NRCAM: variants seen among roughly 807,000 people sequenced by gnomAD.
NRCAM encodes the protein NgCAM-related cell adhesion molecule.
In NRCAM, 83 loss-of-function variants were observed where a neutral mutation model predicts 156.5. That is an observed-to-expected ratio of 0.53 (90% CI 0.44 to 0.64). NRCAM has a LOEUF of 0.64. NRCAM is among the 30% of genes least tolerant of loss of function. NRCAM has a pLI of 0.00. For synonymous variants in NRCAM, 538 were observed against 563.9 expected (o/e 0.95, Z 0.65); for missense variants, 1,417 against 1,597.3 (o/e 0.89, Z 1.92).
intron 1 of NRCAM, among the ~76,000 whole-genome samples, chr7:108,424,922 A>G (rs10278718): frequency 0.9 from 136,790 of 152,178 alleles, 61,955 homozygotes; most frequent in East Asian, 1. Context: ...TTACTTCTGA[A>G]AGAATTAAGC....
intron 13 of NRCAM, among the ~76,000 whole-genome samples, chr7:108,200,273 T>C (rs1313910073): frequency 6.6e-6 from 1 of 152,200 alleles, no homozygotes; most frequent in African/African-American, 2.4e-5. Flanking sequence ...AAGTCATAAT[T>C]CCTTCAACAG....
At chr7:108,422,157 T>G (rs1188210623) in intron 1 of NRCAM, among the ~76,000 whole-genome samples, 1 of 152,206 alleles carries the variant, frequency 6.6e-6, no homozygotes, top group Non-Finnish European at 1.5e-5. Flanking sequence ...TAAGCTGCAA[T>G]ACCAGTCACA....
rs1051143879 is a variant in NRCAM at position 108,184,504 on chromosome 7, T to A, written c.2146A>T (p.Asn716Tyr). 1 of 1,614,174 alleles carries A rather than the reference T, an allele frequency of 6.2e-7. No homozygotes were observed. The highest frequency in any genetic ancestry group is 1.1e-5 in the South Asian group (1 of 91,074). ...ACTGCCATCACGCGGAAGGAGTAGT[T>A]CACGTAAGGAGACAGCTTCAGCTGG... ...TAQLKLSPYV[N>Y]YSFRVMAVNS... The change falls in exon 21 of 33, where the codon AAC becomes TAC. Residue 716 changes from asparagine to tyrosine, a missense_variant. Physicochemically the swap from Asn to Tyr is moderately radical, Grantham distance 143. Transcript: ENST00000379028.
chr7:108,374,610 T>C (rs1001797594), intron 2 of NRCAM, among the ~76,000 whole-genome samples: 1 of 152,140 alleles, frequency 6.6e-6, no homozygotes, highest in African/African-American at 2.4e-5. Flanking sequence ...TGAATTCAAA[T>C]ATGAAGTGAG....
Position 108,194,191 on chromosome 7 carries a change from T to C in NRCAM, c.1631-20A>G. 6.2e-7 allele frequency: 1 copy of C among 1,612,998 alleles called. No homozygotes were observed. Among genetic ancestry groups the C allele is most frequent in the Admixed American group, 1.7e-5 (1 of 60,012 alleles). On this transcript the variant is annotated intron_variant, in intron 16 of 32. Transcript: ENST00000379028. ...TAGGATCTGAAATGTAGAGTCATCG[T>C]TATCCATTTGGCAAAGCTGGAGAAT...
At chr7:108,181,235 C>T (rs959370608) in intron 24 of NRCAM, among the ~76,000 whole-genome samples, 8 of 151,198 alleles carry the variant, frequency 5.3e-5, no homozygotes, top group African/African-American at 1.9e-4. Context: ...CAAAAAGTGA[C>T]CTCTAGGGGT....
chr7:108,158,158 T>A (rs1198402309), intron 32 of NRCAM, among the ~76,000 whole-genome samples: 1 of 152,128 alleles, frequency 6.6e-6, no homozygotes, highest in Non-Finnish European at 1.5e-5. Context: ...GAACTGGGTG[T>A]GGACGCTGCA....
At chr7:108,279,262 T>G (rs1047977847) in intron 3 of NRCAM, among the ~76,000 whole-genome samples, 2 of 152,214 alleles carry the variant, frequency 1.3e-5, no homozygotes, top group African/African-American at 4.8e-5. Flanking sequence ...TTTATCAATT[T>G]TATTTCCTTT....
At chr7:108,429,349 G>A (rs1261842913) in intron 1 of NRCAM, among the ~76,000 whole-genome samples, 1 of 152,044 alleles carries the variant, frequency 6.6e-6, no homozygotes, top group Non-Finnish European at 1.5e-5. Context: ...CCGCCACCAC[G>A]CCTGGCTAAT....
chr7:108,189,336 C>CT (rs1465652377), intron 20 of NRCAM, among the ~76,000 whole-genome samples: 5 of 152,146 alleles, frequency 3.3e-5, no homozygotes, highest in African/African-American at 1.2e-4. Flanking sequence ...AAATAAACAA[C>CT]TAACTTAAGG....
chr7:108,247,584 A>AT (rs1214296115), intron 3 of NRCAM, among the ~76,000 whole-genome samples: 6 of 131,314 alleles, frequency 4.6e-5, no homozygotes, highest in African/African-American at 1.3e-4. Context: ...ATGCTAAATT[A>AT]TTTTAGCATA....
chr7:108,224,232 T>C (rs2092997148), intron 10 of NRCAM, among the ~76,000 whole-genome samples: 1 of 152,118 alleles, frequency 6.6e-6, no homozygotes, highest in Non-Finnish European at 1.5e-5. Context: ...TAACTGTCTA[T>C]CTTCTGGAAG....
chr7:108,290,316 C>G (rs189156271), intron 3 of NRCAM, among the ~76,000 whole-genome samples: 1 of 152,098 alleles, frequency 6.6e-6, no homozygotes, highest in East Asian at 1.9e-4. Context: ...GATCATCTGC[C>G]CTTAAAATGA....
intron 3 of NRCAM, among the ~76,000 whole-genome samples, chr7:108,270,904 T>C (rs1038702830): frequency 6.6e-6 from 1 of 152,154 alleles, no homozygotes; most frequent in African/African-American, 2.4e-5. Flanking sequence ...TAAATGGGTT[T>C]AGAGTTTCAG....
chr7:108,174,691 C>T (rs1383545014), intron 28 of NRCAM, among the ~76,000 whole-genome samples: 12 of 152,234 alleles, frequency 7.9e-5, no homozygotes, highest in African/African-American at 2.9e-4. Context: ...GGCTATTACT[C>T]AGGAGGAAGA....
At chr7:108,358,337 C>A (rs1442794598) in intron 2 of NRCAM, among the ~76,000 whole-genome samples, 2 of 151,418 alleles carry the variant, frequency 1.3e-5, no homozygotes, top group African/African-American at 4.9e-5. Context: ...CCAGGGAGGT[C>A]GAGGCTGCAG....
intron 2 of NRCAM, among the ~76,000 whole-genome samples, chr7:108,391,924 A>G (rs2099761452): frequency 6.6e-6 from 1 of 152,160 alleles, no homozygotes; most frequent in African/African-American, 2.4e-5. Context: ...TGGCTTGCAG[A>G]GTTTCTGCCG....
chr7:108,403,869 G>A (rs2099800003), intron 1 of NRCAM, among the ~76,000 whole-genome samples: 1 of 152,220 alleles, frequency 6.6e-6, no homozygotes, highest in African/African-American at 2.4e-5. Flanking sequence ...CCTTGCCAAA[G>A]TGAAATTGTT....
chr7:108,162,736 C>T (rs113183826), intron 30 of NRCAM, among the ~76,000 whole-genome samples: 2,152 of 152,214 alleles, frequency 0.014, 57 homozygotes, highest in African/African-American at 0.049. Flanking sequence ...TATTTCACTG[C>T]CCTATTATTT....
Sources: gnomAD v4.1 joint callset for allele counts (sites outside exome capture counted in the v4.1 genomes callset) on GRCh38, gnomAD v4.1.1 for gene constraint, MANE v1.5 for transcripts, NCBI Gene and HGNC (gene_info 2026-07-23, HGNC 2026-07-21) for gene names.